Variants in AHI1 observed in about 807,000 individuals in gnomAD.
AHI1 encodes the protein jouberin.
Under a neutral mutation model 149.3 loss-of-function variants are expected in AHI1, and 123 were observed. The ratio of observed to expected loss-of-function variants is 0.82; its 90% CI spans 0.71 to 0.96. The LOEUF (loss-of-function observed/expected upper bound fraction) is 0.96. Ranked by LOEUF, AHI1 falls within the 40% of genes least tolerant of loss-of-function variation. The pLI is 0.00. For missense variants in AHI1, 1,439 were observed against 1,422.7 expected (o/e 1.01, Z -0.18); for synonymous variants, 475 against 459.8 (o/e 1.03, Z -0.42).
At chr6:135,493,122 C>T (rs907467326) in intron 3 of AHI1, 2 of 260,622 alleles carry the variant, frequency 7.7e-6, no homozygotes, top group African/African-American at 2.3e-5. Flanking sequence ...CCTCAGCCTC[C>T]CGAGTGGCTG....
At chr6:135,374,769 C>T (rs1227528153) in intron 23 of AHI1, among the ~76,000 whole-genome samples, 1 of 152,036 alleles carries the variant, frequency 6.6e-6, no homozygotes, top group Non-Finnish European at 1.5e-5. Context: ...CTGAAAAACA[C>T]AAAAGTCCAG....
chr6:135,358,600 GAATA>G (rs1275629811), intron 23 of AHI1, among the ~76,000 whole-genome samples: 4 of 152,184 alleles, frequency 2.6e-5, no homozygotes, highest in Non-Finnish European at 4.4e-5. Context: ...TTTCTCAAAA[GAATA>G]AATAAATCCA....
intron 26 of AHI1, among the ~76,000 whole-genome samples, chr6:135,316,611 T>C (rs1785990296): frequency 6.6e-6 from 1 of 152,128 alleles, no homozygotes; most frequent in Admixed American, 6.5e-5. Context: ...TCCTTTATTC[T>C]TTCTTAATTT....
chr6:135,441,556 GAGATTTA>G lies in AHI1; in HGVS notation c.1912+1019_1912+1025del, dbSNP rs1366901743. Among the ~76,000 whole-genome samples the G allele has an allele frequency of 9.5e-3, 1,453 of 152,170 alleles. 19 individuals carry two copies. The highest frequency in any genetic ancestry group is 0.033 in the African/African-American group (1,360 of 41,514). ...AGATTCCTCTTCCTCCTCTATTTTT[GAGATTTA>G]AGCAATATCTCAATCTACATAGCAT... On this transcript the variant is annotated intron_variant, in intron 14 of 28. Coordinates refer to ENST00000265602, the MANE Select transcript of AHI1 (RefSeq NM_001134831.2).
chr6:135,448,366 C>T lies in AHI1; in HGVS notation c.1550G>A (p.Trp517Ter). 1.2e-6 allele frequency: 2 copies of T among 1,610,988 alleles called. No individual in the cohort carries two copies. The highest frequency in any genetic ancestry group is 1.7e-6 in the Non-Finnish European group (2 of 1,177,984). The change falls in exon 12 of 29, where the codon TGG (tryptophan) becomes TAG (stop). Residue 517 changes from tryptophan to a stop codon, truncating the protein, a stop_gained. Coordinates refer to ENST00000265602, the MANE Select transcript of AHI1 (RefSeq NM_001134831.2). LOFTEE classifies it high-confidence loss of function. The stretch of plus-strand genomic sequence containing the variant: ...ATGATTTCTTGGACATTTTGACCAC[C>T]ATTCAAATGCCTCAACAACACTTAA... ...SPLSVVEAFEWWSKCPRNHYP... is the reference protein window; with the variant it reads ...SPLSVVEAFE
chr6:135,418,167 C>A (rs1782654570), intron 20 of AHI1, among the ~76,000 whole-genome samples: 1 of 152,044 alleles, frequency 6.6e-6, no homozygotes, highest in South Asian at 2.1e-4. Flanking sequence ...TTTTGAAGAG[C>A]TGTCATGTAC....
chr6:135,475,100 C>T (rs947638503), intron 5 of AHI1, among the ~76,000 whole-genome samples: 10 of 152,170 alleles, frequency 6.6e-5, no homozygotes, highest in East Asian at 1.9e-4. Context: ...ATATAATGTT[C>T]GAGTTATCTA....
chr6:135,422,066 G>A (rs148534906), intron 20 of AHI1, among the ~76,000 whole-genome samples: 100 of 152,144 alleles, frequency 6.6e-4, no homozygotes, highest in South Asian at 1.2e-3. Flanking sequence ...TAGATGTATC[G>A]TATGTACATC....
At chr6:135,288,860 A>G (rs759410394) in intron 28 of AHI1, among the ~76,000 whole-genome samples, 7 of 151,970 alleles carry the variant, frequency 4.6e-5, no homozygotes, top group Non-Finnish European at 1.0e-4. Flanking sequence ...AAAAACCCTA[A>G]CATATTACCT....
intron 23 of AHI1, among the ~76,000 whole-genome samples, chr6:135,378,337 T>A (rs1435689362): frequency 1.3e-5 from 2 of 152,246 alleles, no homozygotes; most frequent in African/African-American, 4.8e-5. Context: ...TCTAAACTAA[T>A]GCCCAAATAA....
chr6:135,289,674 A>G (rs1782103180), intron 28 of AHI1, among the ~76,000 whole-genome samples: 1 of 151,364 alleles, frequency 6.6e-6, no homozygotes, highest in Non-Finnish European at 1.5e-5. Context: ...CAAGGTTAAA[A>G]ATAATTCCTT....
intron 8 of AHI1, among the ~76,000 whole-genome samples, chr6:135,458,341 T>C (rs1789304530): frequency 6.6e-6 from 1 of 152,134 alleles, no homozygotes; most frequent in African/African-American, 2.4e-5. Flanking sequence ...AGCAAAACTT[T>C]TAGTGATTCC....
chr6:135,311,270 C>A (rs541897966), intron 26 of AHI1, among the ~76,000 whole-genome samples: 135 of 141,862 alleles, frequency 9.5e-4, no homozygotes, highest in African/African-American at 3.4e-3. Flanking sequence ...TCACTGCACT[C>A]CAACCTGGGT....
chr6:135,354,813 A>G (rs1415718045), intron 24 of AHI1, among the ~76,000 whole-genome samples: 1 of 152,188 alleles, frequency 6.6e-6, no homozygotes, highest in African/African-American at 2.4e-5. Context: ...GTCTGAATGA[A>G]TATCATTCAG....
chr6:135,450,516 C>G (rs903122170), intron 11 of AHI1, among the ~76,000 whole-genome samples: 1 of 152,082 alleles, frequency 6.6e-6, no homozygotes, highest in Non-Finnish European at 1.5e-5. Context: ...AAATGACACA[C>G]AGGGGTAAAG....
At chr6:135,382,877 A>T (rs1206500061) in intron 23 of AHI1, among the ~76,000 whole-genome samples, 6 of 123,774 alleles carry the variant, frequency 4.8e-5, no homozygotes, top group African/African-American at 1.5e-4. Context: ...GGCGGTGCCC[A>T]TCCTAAGCAA....
chr6:135,315,752 T>A (rs1026398948), intron 26 of AHI1, among the ~76,000 whole-genome samples: 14 of 152,340 alleles, frequency 9.2e-5, no homozygotes, highest in African/African-American at 3.4e-4. Context: ...CTTACTCAGA[T>A]GGTTATTATT....
At chr6:135,370,748 T>G (rs988416996) in intron 23 of AHI1, among the ~76,000 whole-genome samples, 1 of 152,224 alleles carries the variant, frequency 6.6e-6, no homozygotes, top group Non-Finnish European at 1.5e-5. Context: ...CATTACAATG[T>G]ACATATTAAT....
rs1785738872 is a variant in AHI1 at position 135,438,396 on chromosome 6, G to A, written c.2015C>T (p.Ser672Leu). ...WSKDDHYILT[S>L]SSDGTARIWK... ...TAACCTGGCAGTGCCATCAGATGAT[G>A]AAGTAAGGATGTAGTGATCATCTTT... Residue 672 changes from serine to leucine, a missense_variant, in exon 15 of 29, where the codon TCA (serine) becomes TTA (leucine). By Grantham distance (145) the Ser-to-Leu change is moderately radical. Transcript: ENST00000265602. The A allele has an allele frequency of 6.3e-7, 1 of 1,576,228 alleles. No individual in the cohort carries two copies. Among genetic ancestry groups the A allele is most frequent in the African/African-American group, 1.3e-5 (1 of 74,372 alleles).
Sources: allele counts gnomAD v4.1 joint callset (sites outside exome capture counted in the v4.1 genomes callset), GRCh38; gene constraint gnomAD v4.1.1; transcripts MANE v1.5; gene names NCBI Gene and HGNC (gene_info 2026-07-23, HGNC 2026-07-21).